Variants in CEP295 observed in about 807,000 individuals in gnomAD.
CEP295 encodes centrosomal protein 295, also known as centrosomal protein of 295 kDa.
A neutral mutation model predicts 291.6 loss-of-function variants in CEP295; 190 were observed. The observed-to-expected ratio is 0.65, with a 90% CI of 0.58 to 0.73. The LOEUF (loss-of-function observed/expected upper bound fraction) is 0.73. Among genes scored for constraint, CEP295 ranks in the 30% least tolerant of loss-of-function variants. The probability of loss-of-function intolerance (pLI) is 0.00; values close to 1 mark genes in which losing one functional copy is unlikely to be tolerated. For missense variants in CEP295, 2,863 were observed against 2,949.4 expected (o/e 0.97, Z 0.68); for synonymous variants, 993 against 1,038.8 (o/e 0.96, Z 0.85).
intron 23 of CEP295, chr11:93,726,744 C>A: frequency 2.7e-6 from 1 of 375,894 alleles, no homozygotes; most frequent in Non-Finnish European, 4.7e-6. Flanking sequence ...AGTTTATAGC[C>A]ATATTGTCCT....
intron 18 of CEP295, among the ~76,000 whole-genome samples, chr11:93,709,138 T>G (rs915006476): frequency 2.6e-5 from 4 of 152,254 alleles, no homozygotes; most frequent in Non-Finnish European, 5.9e-5. Context: ...TTGCAAAAGC[T>G]TTTTAATTTG....
chr11:93,726,164 CTT>C (rs1954121057), intron 23 of CEP295, among the ~76,000 whole-genome samples: 1 of 151,888 alleles, frequency 6.6e-6, no homozygotes, highest in African/African-American at 2.4e-5. Flanking sequence ...GAGTTTCACT[CTT>C]GTTGCCCAGG....
At chr11:93,667,872 T>C in intron 3 of CEP295, 65 bp downstream of exon 3, 1 of 1,074,704 alleles carries the variant, frequency 9.3e-7, no homozygotes, top group Middle Eastern at 2.4e-4. Context: ...AAATTATAGT[T>C]GTTGAATGCT....
Position 93,711,226 on chromosome 11 carries a change from T to C in CEP295, c.5749+4329T>C, listed in dbSNP as rs561090557. Among the ~76,000 whole-genome samples the C allele has an allele frequency of 4.6e-5, 7 of 152,280 alleles. No individual in the cohort carries two copies. The East Asian group carries it at 1.3e-3, about 29-fold the overall frequency. ...ATTTGAAGTTTTTCTTCTTTTTTTA[T>C]GTAGATACTTAAATAGCTATAAATT... On this transcript the variant is annotated intron_variant, in intron 18 of 29. Transcript: ENST00000325212.
rs151308927 is a variant in CEP295, at chr11:93,710,986, CCTT to C, written c.5749+4093_5749+4095del. ...TTTTTCATTTCTGATTTTATTTGGACCTTCTTTTTTTGTAATTAGTCTGACTAA... is the reference window on the plus strand; with the variant it reads ...TTTTTCATTTCTGATTTTATTTGGACCTTTTTTTGTAATTAGTCTGACTAA... On this transcript the variant is annotated intron_variant, in intron 18 of 29. Coordinates refer to ENST00000325212, the MANE Select transcript of CEP295 (RefSeq NM_033395.2). Among the ~76,000 whole-genome samples, 287 of 151,866 alleles carry C rather than the reference CCTT, an allele frequency of 1.9e-3. 11 individuals carry two copies. The East Asian group carries it at 0.053, about 28-fold the overall frequency.
chr11:93,687,865 G>C lies in CEP295; in HGVS notation c.1336G>C (p.Val446Leu). Residue 446 changes from valine (V) to leucine (L), a missense_variant and splice_region_variant, in exon 10 of 30, where the codon GTT becomes CTT. Transcript: ENST00000325212. The part of the protein sequence containing the change: ...ERTLSSGQEQ[V>L]VESDTLTIES... ...AACGTTATCCTCTGGGCAGGAACAA[G>C]GTATTTCTCTCCAAGAGTCTCATTT... 6.5e-7 allele frequency: 1 copy of C among 1,542,282 alleles called. No homozygotes were observed. The highest frequency in any genetic ancestry group is 2.5e-5 in the East Asian group (1 of 40,808).
Position 93,675,564 on chromosome 11 carries a change from TTTCCAGAACATCG to T in CEP295, c.529-6_535del, listed in dbSNP as rs1950647385. ...TTTAACCTATTTTTTTATGTTCTCT[TTTCCAGAACATCG>T]AAGTAAAAAGAATTTCTGCAGTCAA... On this transcript the variant is annotated splice_acceptor_variant and splice_polypyrimidine_tract_variant and coding_sequence_variant and intron_variant, in exon 6 of 30. Coordinates refer to ENST00000325212, the MANE Select transcript of CEP295 (RefSeq NM_033395.2). LOFTEE classifies it high-confidence loss of function. The T allele has an allele frequency of 7.1e-7, 1 of 1,413,892 alleles. No homozygotes were observed. The highest frequency in any genetic ancestry group is 9.4e-7 in the Non-Finnish European group (1 of 1,061,180). The allele number at this position is 1,413,892 out of a possible 1,614,324, so 87.6% of individuals were successfully genotyped here. A position where few individuals can be genotyped will look rare whatever the true frequency, so the allele number is the denominator to read the frequency against.
In CEP295 at chr11:93,668,923, A is replaced by G; in HGVS notation, c.425A>G (p.Gln142Arg). The change falls in exon 4 of 30, where the codon CAA becomes CGA. Residue 142 changes from glutamine to arginine, a missense_variant. Coordinates refer to ENST00000325212, the MANE Select transcript of CEP295 (RefSeq NM_033395.2). ...AATCAAAAAGAAATATTACTGAAACAAAAAACCTGGTAAAGTAATAATTTT... is the reference window on the plus strand; with the variant it reads ...AATCAAAAAGAAATATTACTGAAACGAAAAACCTGGTAAAGTAATAATTTT... The part of the protein sequence containing the change: ...QKNQKEILLK[Q>R]KTWHIKARKE... The G allele has an allele frequency of 8.4e-7, 1 of 1,191,792 alleles. No homozygotes were observed. The highest frequency in any genetic ancestry group is 1.2e-6 in the Non-Finnish European group (1 of 842,146). 73.8% of individuals were successfully genotyped at this position (1,191,792 alleles called of 1,614,324 possible). A position where few individuals can be genotyped will look rare whatever the true frequency, so the allele number is the denominator to read the frequency against.
At chr11:93,667,518 A>G (rs1950247019) in intron 2 of CEP295, 89 bp from the exon 3 acceptor site, 1 of 877,588 alleles carries the variant, frequency 1.1e-6, no homozygotes, top group African/African-American at 1.7e-5. Context: ...ACTTAAGAGA[A>G]TTCATTTGAG....
At position 93,697,996 on chromosome 11, in the gene CEP295, A is replaced by G. The variant is rs145412648; in HGVS notation, c.3084A>G (p.Gly1028=). The G allele has an allele frequency of 9.4e-3, 14,524 of 1,551,688 alleles. 108 individuals carry two copies. The highest frequency in any genetic ancestry group is 0.012 in the Non-Finnish European group (13,332 of 1,146,964). Residue 1028 remains glycine (G), a synonymous_variant, in exon 15 of 30, where the codon GGA becomes GGG. Coordinates refer to ENST00000325212, the MANE Select transcript of CEP295 (RefSeq NM_033395.2). Reference sequence around the variant, plus strand: ...AACATTCATCTAAGAGCGAGAAAGGACTTGTTTCATGCCAATCTGACATCC... The same window carrying G: ...AACATTCATCTAAGAGCGAGAAAGGGCTTGTTTCATGCCAATCTGACATCC... The part of the protein sequence containing the change: ...QEQHSSKSEK[G]LVSCQSDIPI...
At chr11:93,716,020 A>G (rs977329324) in intron 18 of CEP295, among the ~76,000 whole-genome samples, 7 of 152,064 alleles carry the variant, frequency 4.6e-5, no homozygotes, top group Non-Finnish European at 8.8e-5. Context: ...GACCCCTCCA[A>G]GTCTACAAGC....
chr11:93,687,479 G>A (rs1308517562), intron 9 of CEP295, among the ~76,000 whole-genome samples, 165 bp from the exon 10 acceptor site: 1 of 152,090 alleles, frequency 6.6e-6, no homozygotes, highest in Non-Finnish European at 1.5e-5. Flanking sequence ...TATAATGATT[G>A]GAGTCAGATA....
rs1258604843 is a variant in CEP295 at position 93,697,717 on chromosome 11, G to A, written c.2805G>A (p.Lys935=). The change falls in exon 15 of 30, where the codon AAG becomes AAA. Residue 935 remains lysine, a synonymous_variant. Transcript: ENST00000325212. ...ATGTGATCTCACAACTTCAGGATAAGCGTTTGAGTCTTTCACAGCCTATCC... is the reference window on the plus strand; with the variant it reads ...ATGTGATCTCACAACTTCAGGATAAACGTTTGAGTCTTTCACAGCCTATCC... ...DHHVISQLQD[K]RLSLSQPILS... is the part of the protein sequence containing the mutation. 6.4e-7 allele frequency: 1 copy of A among 1,551,682 alleles called. No individual in the cohort carries two copies. Among genetic ancestry groups the A allele is most frequent in the South Asian group, 1.2e-5 (1 of 84,058 alleles).
At chr11:93,708,350 G>A (rs570422083) in intron 18 of CEP295, among the ~76,000 whole-genome samples, 9 of 152,078 alleles carry the variant, frequency 5.9e-5, no homozygotes, top group Non-Finnish European at 7.4e-5. Flanking sequence ...CTCTATCTCC[G>A]TGAGTTCAGT....
intron 7 of CEP295, 130 bp downstream of exon 7, chr11:93,679,682 T>C: frequency 1.5e-6 from 1 of 687,136 alleles, no homozygotes. Context: ...TTCATATGAT[T>C]TCAAGTTTCC....
intron 10 of CEP295, among the ~76,000 whole-genome samples, chr11:93,690,193 C>CTT (rs1565453362): frequency 1.3e-5 from 2 of 152,172 alleles, no homozygotes; most frequent in Non-Finnish European, 2.9e-5. Context: ...GGGCAGATGA[C>CTT]GAGGTCAGGA....
intron 24 of CEP295, 81 bp downstream of exon 24, chr11:93,727,718 A>G: frequency 9.0e-7 from 1 of 1,109,414 alleles, no homozygotes; most frequent in South Asian, 1.7e-5. Context: ...TTAGAGATGA[A>G]GTTCCCACTA....
At chr11:93,664,677 T>C (rs1950130675) in intron 1 of CEP295, among the ~76,000 whole-genome samples, 2 of 152,216 alleles carry the variant, frequency 1.3e-5, no homozygotes, top group Non-Finnish European at 2.9e-5. Flanking sequence ...GTTTTCAGGC[T>C]ATGGACATAA....
chr11:93,699,662 A>C lies in CEP295; in HGVS notation c.4750A>C (p.Arg1584=). 1 of 1,551,546 alleles carries C rather than the reference A, an allele frequency of 6.4e-7. No homozygotes were observed. The highest frequency in any genetic ancestry group is 8.7e-7 in the Non-Finnish European group (1 of 1,147,042). Residue 1584 remains arginine (R), a synonymous_variant, in exon 15 of 30, where the codon AGA becomes CGA. Transcript: ENST00000325212. ...TLPSSHREIP[R]LQDRLLSLSK... Reference sequence around the variant, plus strand: ...TCCCTCAAGTCATCGTGAGATTCCAAGATTACAGGATAGACTTTTGAGTTT... The same window carrying C: ...TCCCTCAAGTCATCGTGAGATTCCACGATTACAGGATAGACTTTTGAGTTT...
Sources: allele counts gnomAD v4.1 joint callset (sites outside exome capture counted in the v4.1 genomes callset), GRCh38; gene constraint gnomAD v4.1.1; transcripts MANE v1.5; gene names NCBI Gene and HGNC (gene_info 2026-07-23, HGNC 2026-07-21).